ARAP2: variants seen among roughly 807,000 people sequenced by gnomAD.
ARAP2 encodes the protein ArfGAP with RhoGAP domain, ankyrin repeat and PH domain 2.
ARAP2 carries 148 observed loss-of-function variants against 194.5 expected under a neutral mutation model. That is an observed-to-expected ratio of 0.76 (90% CI 0.67 to 0.87). The LOEUF (loss-of-function observed/expected upper bound fraction) is 0.87. Among genes scored for constraint, ARAP2 ranks in the 40% least tolerant of loss-of-function variants. The probability of loss-of-function intolerance (pLI) is 0.00; values close to 1 mark genes in which losing one functional copy is unlikely to be tolerated. For synonymous variants in ARAP2, 695 were observed against 683.5 expected (o/e 1.02, Z -0.26); for missense variants, 2,128 against 1,989.7 (o/e 1.07, Z -1.32).
At chr4:36,016,292 A>G (rs1239796639) in intron 6 of ARAP2, among the ~76,000 whole-genome samples, 1 of 152,156 alleles carries the variant, frequency 6.6e-6, no homozygotes, top group Non-Finnish European at 1.5e-5. Flanking sequence ...ATATGAAAAA[A>G]TATACTGGGA....
intron 5 of ARAP2, among the ~76,000 whole-genome samples, chr4:36,033,337 G>A (rs1434910776): frequency 6.6e-6 from 1 of 152,090 alleles, no homozygotes; most frequent in East Asian, 1.9e-4. Context: ...ATTACTAATA[G>A]CCATTCTGAC....
chr4:36,075,303 C>T (rs1313214680), intron 31 of ARAP2, among the ~76,000 whole-genome samples: 1 of 152,094 alleles, frequency 6.6e-6, no homozygotes, highest in Non-Finnish European at 1.5e-5. Flanking sequence ...CTGTGAATAC[C>T]AGCTAACTCT....
At chr4:36,083,609 A>G (rs2109354064) in intron 28 of ARAP2, among the ~76,000 whole-genome samples, 159 bp from the exon 29 acceptor site, 1 of 152,280 alleles carries the variant, frequency 6.6e-6, no homozygotes, top group East Asian at 1.9e-4. Context: ...TGGATTTACA[A>G]TGAAGACTCT....
At chr4:36,087,105 G>A (rs1712086549) in intron 28 of ARAP2, among the ~76,000 whole-genome samples, 1 of 151,880 alleles carries the variant, frequency 6.6e-6, no homozygotes, top group African/African-American at 2.4e-5. Context: ...TAAAACAAAT[G>A]CTAAGTCTTT....
At chr4:36,231,059 A>T (rs28533817) in intron 1 of ARAP2, among the ~76,000 whole-genome samples, 13,609 of 152,276 alleles carry the variant, frequency 0.089, 1,999 homozygotes, top group African/African-American at 0.31. Flanking sequence ...CACCTCGGCC[A>T]GGCAAAGTGG....
chr4:36,184,234 T>C (rs548167687), intron 8 of ARAP2, among the ~76,000 whole-genome samples: 1 of 151,730 alleles, frequency 6.6e-6, no homozygotes, highest in South Asian at 2.1e-4. Flanking sequence ...ACATATTTAG[T>C]GTACTGTTGA....
chr4:36,158,904 T>C (rs1733241729), intron 14 of ARAP2, 40 bp from the exon 15 acceptor site: 1 of 1,547,524 alleles, frequency 6.5e-7, no homozygotes, highest in East Asian at 2.3e-5. Context: ...AAATCTAAAA[T>C]GTAAACAATT....
At chr4:36,044,748 GGAT>G (rs1721514080) in intron 5 of ARAP2, among the ~76,000 whole-genome samples, 1 of 151,934 alleles carries the variant, frequency 6.6e-6, no homozygotes, top group Non-Finnish European at 1.5e-5. Context: ...ACAATTAACA[GGAT>G]GAAGAGACAA....
chr4:36,131,559 TTATAATA>T (rs1725466684), intron 20 of ARAP2, among the ~76,000 whole-genome samples: 1 of 151,642 alleles, frequency 6.6e-6, no homozygotes, highest in Non-Finnish European at 1.5e-5. Flanking sequence ...TATAAAGTTG[TTATAATA>T]TATGAGTTTT....
intron 6 of ARAP2, among the ~76,000 whole-genome samples, chr4:36,206,387 GAACCC>G (rs910392538): frequency 2.0e-5 from 3 of 152,088 alleles, no homozygotes; most frequent in African/African-American, 7.2e-5. Flanking sequence ...CCTGGTCCTA[GAACCC>G]AACTGTCCAT....
intron 5 of ARAP2, among the ~76,000 whole-genome samples, chr4:36,023,312 G>A (rs1211380797): frequency 6.6e-6 from 1 of 152,156 alleles, no homozygotes; most frequent in Non-Finnish European, 1.5e-5. Context: ...TATAGCAGAA[G>A]TAATTACAGA....
chr4:36,085,402 TAGAC>T (rs1711524770), intron 28 of ARAP2, among the ~76,000 whole-genome samples: 2 of 152,050 alleles, frequency 1.3e-5, no homozygotes, highest in African/African-American at 2.4e-5. Context: ...AATGATAAGT[TAGAC>T]AGAAATTTTT....
At chr4:36,061,064 A>C (rs77629734), downstream of ARAP2, among the ~76,000 whole-genome samples, 511 of 152,200 alleles carry the variant, frequency 3.4e-3, 1 homozygote, top group African/African-American at 0.012. Context: ...CAGTTTTTTA[A>C]TTAAAAAAAA....
At chr4:36,167,670 TC>T (rs1330361069) in intron 9 of ARAP2, among the ~76,000 whole-genome samples, 9 of 152,182 alleles carry the variant, frequency 5.9e-5, no homozygotes, top group African/African-American at 2.2e-4. Flanking sequence ...TTTATTGCTT[TC>T]ATCTCCCTTC....
chr4:36,073,816 T>A lies in ARAP2; in HGVS notation c.4616A>T (p.Tyr1539Phe). 1 of 1,612,906 alleles carries A rather than the reference T, an allele frequency of 6.2e-7. No individual in the cohort carries two copies. The highest frequency in any genetic ancestry group is 8.5e-7 in the Non-Finnish European group (1 of 1,179,126). Reference sequence around the variant, plus strand: ...CTTTCCAGCTGGTGGCCATATATCATATTCATGCTGTGGAAACACAATTTC... The same window carrying A: ...CTTTCCAGCTGGTGGCCATATATCAAATTCATGCTGTGGAAACACAATTTC... Reference protein sequence around the residue: ...MTSIFIAQHEYDIWPPAGKER... With the variant: ...MTSIFIAQHEFDIWPPAGKER... The change falls in exon 32 of 33, where the codon TAT becomes TTT. Residue 1539 changes from tyrosine (Y) to phenylalanine (F), a missense_variant. Coordinates refer to ENST00000303965, the MANE Select transcript of ARAP2 (RefSeq NM_015230.4).
chr4:36,234,629 T>A (rs191731255), intron 1 of ARAP2, among the ~76,000 whole-genome samples: 5 of 152,326 alleles, frequency 3.3e-5, no homozygotes, highest in Admixed American at 3.3e-4. Flanking sequence ...CTTGTGTATT[T>A]AACTTTTCTG....
intron 26 of ARAP2, among the ~76,000 whole-genome samples, chr4:36,109,576 C>A (rs1195139316): frequency 6.6e-6 from 1 of 151,828 alleles, no homozygotes; most frequent in Non-Finnish European, 1.5e-5. Flanking sequence ...GGGAAAAGAT[C>A]ATAACTGCCC....
At chr4:36,178,819 A>G (rs985418498) in intron 8 of ARAP2, among the ~76,000 whole-genome samples, 5 of 152,224 alleles carry the variant, frequency 3.3e-5, no homozygotes, top group African/African-American at 1.2e-4. Context: ...GAGGAGAATC[A>G]AATGTTTTAA....
At chr4:36,054,486 G>T (rs1577674899) in intron 2 of ARAP2, among the ~76,000 whole-genome samples, 1 of 152,074 alleles carries the variant, frequency 6.6e-6, no homozygotes, top group East Asian at 1.9e-4. Context: ...AATCTATTGG[G>T]GAAGTGAGAT....
Sources: gnomAD v4.1 joint callset for allele counts (sites outside exome capture counted in the v4.1 genomes callset) on GRCh38, gnomAD v4.1.1 for gene constraint, MANE v1.5 for transcripts, NCBI Gene and HGNC (gene_info 2026-07-23, HGNC 2026-07-21) for gene names.